Variants in PARD3 observed in about 807,000 individuals in gnomAD.
PARD3 encodes partitioning defective 3 homolog.
In PARD3, 75 loss-of-function variants were observed where a neutral mutation model predicts 155.4. That is an observed-to-expected ratio of 0.48 (90% CI 0.40 to 0.58). PARD3 has a LOEUF of 0.58. PARD3 is among the 20% of genes least tolerant of loss of function. The pLI, the probability that PARD3 is intolerant of heterozygous loss-of-function variation, is 0.00. For missense variants in PARD3, 1,642 were observed against 1,721.7 expected (o/e 0.95, Z 0.82); for synonymous variants, 576 against 610.5 (o/e 0.94, Z 0.83).
At chr10:34,613,106 T>C (rs1199468553) in intron 2 of PARD3, among the ~76,000 whole-genome samples, 1 of 152,230 alleles carries the variant, frequency 6.6e-6, no homozygotes, top group East Asian at 1.9e-4. Flanking sequence ...TTCCTGAATT[T>C]AAAGGCATGC....
chr10:34,752,217 G>A (rs921463414), intron 1 of PARD3, among the ~76,000 whole-genome samples: 1 of 151,342 alleles, frequency 6.6e-6, no homozygotes, highest in Non-Finnish European at 1.5e-5. Flanking sequence ...GCTTACCAGG[G>A]AACAACTCAT....
intron 1 of PARD3, among the ~76,000 whole-genome samples, chr10:34,751,333 G>C (rs1042322087): frequency 6.6e-6 from 1 of 152,182 alleles, no homozygotes; most frequent in African/African-American, 2.4e-5. Context: ...TTATAAGACA[G>C]AGAGGTGCAG....
chr10:34,281,799 G>A (rs1240883584), intron 21 of PARD3, among the ~76,000 whole-genome samples: 1 of 152,050 alleles, frequency 6.6e-6, no homozygotes, highest in Non-Finnish European at 1.5e-5. Context: ...CTGGTTTGTG[G>A]ACAATCATAA....
At chr10:34,332,292 G>A (rs1379125134) in intron 18 of PARD3, among the ~76,000 whole-genome samples, 1 of 152,142 alleles carries the variant, frequency 6.6e-6, no homozygotes, top group African/African-American at 2.4e-5. Context: ...ATCCATCACT[G>A]CCTGACCTGA....
In PARD3 at chr10:34,319,096, T is replaced by C. The variant is rs1397501060; in HGVS notation, c.2834-1758A>G. Among the ~76,000 whole-genome samples, 648 of 146,418 alleles carry C rather than the reference T, an allele frequency of 4.4e-3. 6 individuals are homozygous for C. The highest frequency in any genetic ancestry group is 0.012 in the African/African-American group (464 of 39,012). ...ACCCAGACTTTTTTTTTTTTTTTTT[T>C]TTCTTCTTCTTGAGACGGAGTTTCA... On this transcript the variant is annotated intron_variant, in intron 19 of 24. Transcript: ENST00000374788.
At chr10:34,417,963 A>T (rs1589498970) in intron 5 of PARD3, among the ~76,000 whole-genome samples, 1 of 152,208 alleles carries the variant, frequency 6.6e-6, no homozygotes. Flanking sequence ...CAGTAAAAGC[A>T]TATTCATAAA....
intron 22 of PARD3, among the ~76,000 whole-genome samples, chr10:34,208,930 T>C (rs560726483): frequency 1.6e-4 from 25 of 152,222 alleles, no homozygotes; most frequent in Non-Finnish European, 2.9e-4. Context: ...CATGTTAGAA[T>C]TACTCCAAGA....
chr10:34,757,103 A>G (rs1312726574), intron 1 of PARD3, among the ~76,000 whole-genome samples: 1 of 152,206 alleles, frequency 6.6e-6, no homozygotes, highest in Non-Finnish European at 1.5e-5. Context: ...CTGTTTTCGA[A>G]GTCTATGACA....
At chr10:34,605,717 A>C (rs182031901) in intron 2 of PARD3, among the ~76,000 whole-genome samples, 1 of 81,862 alleles carries the variant, frequency 1.2e-5, no homozygotes, top group African/African-American at 6.8e-5. Context: ...CTATATATAT[A>C]TATCTCCTAT....
intron 13 of PARD3, 110 bp downstream of exon 13, chr10:34,359,961 C>A: frequency 1.3e-6 from 1 of 773,008 alleles, no homozygotes; most frequent in East Asian, 2.5e-5. Flanking sequence ...ATGTGGGTAC[C>A]ATAAAGAAAT....
intron 17 of PARD3, 52 bp from the exon 18 acceptor site, chr10:34,336,295 C>A (rs1361726311): frequency 7.4e-7 from 1 of 1,350,646 alleles, no homozygotes; most frequent in Non-Finnish European, 1.1e-6. Flanking sequence ...CCATAGCCCA[C>A]CATGCTTCCA....
At chr10:34,781,054 C>T (rs760406320) in intron 1 of PARD3, among the ~76,000 whole-genome samples, 2 of 152,226 alleles carry the variant, frequency 1.3e-5, no homozygotes, top group Non-Finnish European at 2.9e-5. Flanking sequence ...TTGCATCCCA[C>T]GCTTCTCAGC....
intron 1 of PARD3, among the ~76,000 whole-genome samples, chr10:34,768,176 T>C (rs1838363321): frequency 6.6e-6 from 1 of 152,028 alleles, no homozygotes; most frequent in Non-Finnish European, 1.5e-5. Flanking sequence ...TCTCGGTCAA[T>C]TTAGGAAGTT....
intron 22 of PARD3, 120 bp downstream of exon 22, chr10:34,269,537 T>C (rs1955509280): frequency 2.7e-6 from 3 of 1,093,880 alleles, no homozygotes; most frequent in Non-Finnish European, 4.0e-6. Context: ...ACAACAGCTT[T>C]TTAAAGGCCA....
intron 2 of PARD3, chr10:34,675,592 T>C (rs1468921004): frequency 1.5e-5 from 2 of 130,358 alleles, no homozygotes; most frequent in Non-Finnish European, 3.1e-5. Context: ...ATACCCCAAC[T>C]TTTTTTTTTT....
intron 2 of PARD3, among the ~76,000 whole-genome samples, chr10:34,669,685 C>G (rs2093573434): frequency 6.6e-6 from 1 of 151,960 alleles, no homozygotes. Context: ...TTGCTTGCAA[C>G]AAATGAAAAG....
chr10:34,193,970 T>C (rs563295210), intron 22 of PARD3, among the ~76,000 whole-genome samples: 3 of 152,240 alleles, frequency 2.0e-5, no homozygotes, highest in Admixed American at 6.5e-5. Flanking sequence ...AGATTTCCTA[T>C]AGCAGCTGCT....
chr10:34,311,994 G>T (rs2134092402), intron 20 of PARD3, among the ~76,000 whole-genome samples: 1 of 152,202 alleles, frequency 6.6e-6, no homozygotes, highest in East Asian at 1.9e-4. Flanking sequence ...GCCCTTTACA[G>T]AATCTTGAAA....
chr10:34,110,732 C>T lies in PARD3; in HGVS notation c.*437G>A, dbSNP rs960097665. Reference sequence around the variant, plus strand: ...AAGCCCCAATTTTTGGTGTATGTCGCCCACTTTTCCTCCACCAGAGACTAA... The same window carrying T: ...AAGCCCCAATTTTTGGTGTATGTCGTCCACTTTTCCTCCACCAGAGACTAA... On this transcript the variant is annotated 3_prime_UTR_variant, in exon 25 of 25. Coordinates refer to ENST00000374788, the MANE Select transcript of PARD3 (RefSeq NM_001184785.2). 3 of 153,822 alleles carry T rather than the reference C, an allele frequency of 2.0e-5. No homozygotes were observed. Among genetic ancestry groups the T allele is most frequent in the Non-Finnish European group, 4.3e-5 (3 of 69,312 alleles). 9.5% of individuals were successfully genotyped at this position (153,822 alleles called of 1,614,324 possible).
Sources: allele counts gnomAD v4.1 joint callset (sites outside exome capture counted in the v4.1 genomes callset), GRCh38; gene constraint gnomAD v4.1.1; transcripts MANE v1.5; gene names NCBI Gene and HGNC (gene_info 2026-07-23, HGNC 2026-07-21).